Variants in AMN1 observed in about 807,000 individuals in gnomAD.
AMN1 encodes antagonist of mitotic exit network 1 homolog, also known as protein AMN1 homolog.
AMN1 carries 20 observed loss-of-function variants against 33.0 expected under a neutral mutation model. That is an observed-to-expected ratio of 0.61 (90% CI 0.43 to 0.88). The LOEUF is 0.88. Among genes scored for constraint, AMN1 ranks in the 40% least tolerant of loss-of-function variants. The pLI is 0.00. For synonymous variants in AMN1, 114 were observed against 111.9 expected (o/e 1.02, Z -0.12); for missense variants, 246 against 307.4 (o/e 0.80, Z 1.49).
chr12:31,683,315 C>A lies in AMN1; in HGVS notation c.703+5692G>T, dbSNP rs1938113503. 6.6e-6 allele frequency among the ~76,000 whole-genome samples: 1 copy of A among 152,310 alleles called. No homozygotes were observed. Among genetic ancestry groups the A allele is most frequent in the Non-Finnish European group, 1.5e-5 (1 of 68,026 alleles). On this transcript the variant is annotated intron_variant, in intron 6 of 6. Coordinates refer to ENST00000281471, the MANE Select transcript of AMN1 (RefSeq NM_001113402.2). This position sits in a 1 kb window ranked among gnomAD's most constrained non-coding sequence, Gnocchi z 4.1. ...ATGTTGAAGTTGACTGATAATTTTT[C>A]TTTACCATAAAGCAGTGGTTCCCAA... is the stretch of plus-strand genomic sequence containing the variant.
chr12:31,688,249 C>T (rs746609605), intron 6 of AMN1, among the ~76,000 whole-genome samples: 5 of 152,190 alleles, frequency 3.3e-5, no homozygotes, highest in African/African-American at 7.2e-5. Flanking sequence ...CCACCACGCC[C>T]GGCTATTCTG....
intron 1 of AMN1, chr12:31,714,632 C>T (rs1477060216): frequency 1.3e-5 from 2 of 152,382 alleles, no homozygotes; most frequent in East Asian, 3.8e-4. Context: ...CGGCCTTAAT[C>T]TGCTTTTTAA....
At chr12:31,698,412 C>A (rs1938833397) in intron 3 of AMN1, among the ~76,000 whole-genome samples, 1 of 152,164 alleles carries the variant, frequency 6.6e-6, no homozygotes, top group South Asian at 2.1e-4. Flanking sequence ...ATAGCTATGC[C>A]TATGTGTTCT....
chr12:31,697,459 A>G (rs928668004), intron 4 of AMN1, 42 bp from the exon 5 acceptor site: 6 of 1,588,498 alleles, frequency 3.8e-6, no homozygotes, highest in Non-Finnish European at 5.2e-6. Context: ...GAATCCAGAC[A>G]ACGGAAGTAG....
chr12:31,701,654 C>A (rs1303705391), intron 3 of AMN1, among the ~76,000 whole-genome samples: 2 of 152,118 alleles, frequency 1.3e-5, no homozygotes, highest in Non-Finnish European at 2.9e-5. Flanking sequence ...TAGTGACTTA[C>A]CCAGTGTCTT....
chr12:31,674,009 TTA>T (rs984731475), intron 6 of AMN1, among the ~76,000 whole-genome samples: 10 of 152,090 alleles, frequency 6.6e-5, no homozygotes, highest in African/African-American at 1.9e-4. Flanking sequence ...GAGGAAAGTC[TTA>T]TCTTTTTTTT....
intron 6 of AMN1, among the ~76,000 whole-genome samples, chr12:31,674,095 T>C (rs1378489731): frequency 6.6e-6 from 1 of 152,084 alleles, no homozygotes; most frequent in Non-Finnish European, 1.5e-5. Flanking sequence ...TTCCTTGCAT[T>C]CCTTCCTGCT....
chr12:31,706,665 G>A (rs1282778069), intron 2 of AMN1, among the ~76,000 whole-genome samples: 1 of 152,114 alleles, frequency 6.6e-6, no homozygotes, highest in Admixed American at 6.6e-5. Flanking sequence ...CTAATCTCAC[G>A]GGCTGTTTAG....
chr12:31,729,069 G>A (rs1392965393), upstream of AMN1: 17 of 1,447,902 alleles, frequency 1.2e-5, no homozygotes, highest in East Asian at 3.2e-4. Context: ...GCCAGGGACC[G>A]TCCGCCAACT....
intron 1 of AMN1, among the ~76,000 whole-genome samples, chr12:31,721,284 G>A (rs1480633119): frequency 1.3e-5 from 2 of 152,176 alleles, no homozygotes; most frequent in Admixed American, 6.5e-5. Flanking sequence ...GATGCTCAAT[G>A]GGAGGTACCC....
At chr12:31,716,276 G>A (rs763904357) in intron 1 of AMN1, among the ~76,000 whole-genome samples, 1 of 151,958 alleles carries the variant, frequency 6.6e-6, no homozygotes, top group Non-Finnish European at 1.5e-5. Flanking sequence ...ATACAGTTGG[G>A]TCATTTGTAA....
At chr12:31,728,925 G>A in intron 1 of AMN1, 46 bp downstream of exon 1, 5 of 1,532,698 alleles carry the variant, frequency 3.3e-6, no homozygotes, top group Non-Finnish European at 4.4e-6. Flanking sequence ...CCGTTTGGAG[G>A]AGGTGCTGGG....
At chr12:31,716,168 G>A (rs763359291) in intron 1 of AMN1, among the ~76,000 whole-genome samples, 2 of 152,158 alleles carry the variant, frequency 1.3e-5, no homozygotes, top group Non-Finnish European at 2.9e-5. Flanking sequence ...ATCGTTACAT[G>A]TAGCTATAGA....
Position 31,697,728 on chromosome 12 carries a change from T to C in AMN1, c.534+12A>G. ...ACATAGTCTATATGTTTGTAGCCTA[T>C]ATGTCATTTACCTGAGTAGCTGAAA... On this transcript the variant is annotated intron_variant, in intron 4 of 6. Transcript: ENST00000281471. 9 of 1,609,774 alleles carry C rather than the reference T, an allele frequency of 5.6e-6. No homozygotes were observed. Among genetic ancestry groups the C allele is most frequent in the Non-Finnish European group, 7.7e-6 (9 of 1,176,086 alleles).
chr12:31,728,883 G>C (rs1940191358), intron 1 of AMN1, 88 bp downstream of exon 1: 7 of 1,410,452 alleles, frequency 5.0e-6, no homozygotes, highest in Non-Finnish European at 6.7e-6. Context: ...GGGTGGGAAA[G>C]GGGCGGGGAG....
intron 3 of AMN1, among the ~76,000 whole-genome samples, chr12:31,698,258 G>C (rs1938826555): frequency 6.6e-6 from 1 of 152,196 alleles, no homozygotes; most frequent in Non-Finnish European, 1.5e-5. Context: ...ATTAGATAGT[G>C]AAATAGTAGG....
rs1360261926 is a variant in AMN1 at position 31,701,885 on chromosome 12, G to T, written c.294C>A (p.Asn98Lys). 6.2e-7 allele frequency: 1 copy of T among 1,602,820 alleles called. No individual in the cohort carries two copies. The highest frequency in any genetic ancestry group is 8.5e-7 in the Non-Finnish European group (1 of 1,177,240). The change falls in exon 3 of 7, where the codon AAC becomes AAA. Residue 98 changes from asparagine to lysine, a missense_variant. By Grantham distance (94) the Asn-to-Lys change is moderately conservative (BLOSUM62 0). Transcript: ENST00000281471. ...KKLNLNASKG[N>K]RVSVTSEGIK... ...TACCTTCTGAAGTTACAGAAACTCG[G>T]TTCCCTTTTGAAGCATTTAAATTTA... is the stretch of plus-strand genomic sequence containing the variant.
intron 6 of AMN1, among the ~76,000 whole-genome samples, chr12:31,682,490 G>C (rs1219507041): frequency 1.6e-5 from 2 of 126,074 alleles, no homozygotes; most frequent in Admixed American, 2.1e-4. Context: ...TCATGACGTT[G>C]TTTAGCAGCA....
intron 5 of AMN1, among the ~76,000 whole-genome samples, chr12:31,692,640 T>C (rs1462604237): frequency 6.6e-6 from 1 of 152,134 alleles, no homozygotes; most frequent in Non-Finnish European, 1.5e-5. Flanking sequence ...GAATTCATTA[T>C]AGCAACGGAA....
Sources: gnomAD v4.1 joint callset for allele counts (sites outside exome capture counted in the v4.1 genomes callset) on GRCh38, gnomAD v4.1.1 for gene constraint, Gnocchi (gnomAD v3.1) non-coding constraint, MANE v1.5 for transcripts, NCBI Gene and HGNC (gene_info 2026-07-23, HGNC 2026-07-21) for gene names.